Variants in RAPGEF4 observed in about 807,000 individuals in gnomAD.
RAPGEF4 encodes the protein Rap guanine nucleotide exchange factor 4, also known as RAP guanine-nucleotide-exchange factor (GEF) 4.
RAPGEF4 carries 66 observed loss-of-function variants against 147.9 expected under a neutral mutation model. The observed-to-expected ratio is 0.45, with a 90% CI of 0.37 to 0.55. RAPGEF4 has a LOEUF of 0.55. Ranked by LOEUF, RAPGEF4 falls within the 20% of genes least tolerant of loss-of-function variation. The pLI is 0.00. For synonymous variants in RAPGEF4, 419 were observed against 442.7 expected, an observed-to-expected ratio of 0.95 and a Z score of 0.67; for missense variants, 1,071 against 1,257.3, an observed-to-expected ratio of 0.85 and a Z score of 2.24.
chr2:172,818,693 A>G (rs577647339), intron 4 of RAPGEF4, among the ~76,000 whole-genome samples: 2 of 152,200 alleles, frequency 1.3e-5, no homozygotes, highest in Non-Finnish European at 2.9e-5. Flanking sequence ...AGGGAAAATT[A>G]TGGTCCCTAA....
At chr2:172,854,751 T>A (rs1377139077) in intron 4 of RAPGEF4, among the ~76,000 whole-genome samples, 1 of 152,128 alleles carries the variant, frequency 6.6e-6, no homozygotes, top group Non-Finnish European at 1.5e-5. Flanking sequence ...GATTGAGTTA[T>A]AAGTACAAGA....
chr2:172,873,943 A>C (rs187730327), intron 4 of RAPGEF4, among the ~76,000 whole-genome samples: 4 of 152,226 alleles, frequency 2.6e-5, no homozygotes, highest in African/African-American at 7.2e-5. Context: ...AAACATATGA[A>C]AAAAAGCTCA....
chr2:172,814,446 G>A (rs779458575), intron 4 of RAPGEF4, 21 bp downstream of exon 4: 1 of 1,613,432 alleles, frequency 6.2e-7, no homozygotes, highest in Non-Finnish European at 8.5e-7. Context: ...AGGCTTCTTT[G>A]TCAATTAATG....
At chr2:172,851,141 A>G (rs1277772880) in intron 4 of RAPGEF4, among the ~76,000 whole-genome samples, 1 of 152,172 alleles carries the variant, frequency 6.6e-6, no homozygotes, top group Non-Finnish European at 1.5e-5. Context: ...GGTATGTTGT[A>G]TCTTTGTTCT....
At chr2:172,786,255 C>T (rs539364887) in intron 1 of RAPGEF4, among the ~76,000 whole-genome samples, 122 of 152,166 alleles carry the variant, frequency 8.0e-4, no homozygotes, top group African/African-American at 2.6e-3. Flanking sequence ...ATTCAACTAC[C>T]GTGTGTAGTA....
intron 3 of RAPGEF4, among the ~76,000 whole-genome samples, chr2:172,800,812 A>G (rs1410071569): frequency 2.0e-5 from 3 of 152,210 alleles, no homozygotes; most frequent in Non-Finnish European, 4.4e-5. Context: ...AAGGTTAATC[A>G]TATCTAAAAA....
rs1365675776 is a variant in RAPGEF4 at position 173,005,458 on chromosome 2, T to C, written c.1658+4114T>C. Among the ~76,000 whole-genome samples the C allele has an allele frequency of 8.0e-5, 12 of 150,710 alleles. 1 individual carries two copies. The highest frequency in any genetic ancestry group is 7.9e-4 in the Admixed American group (12 of 15,150). ...TTTACTTTATCTTTCCAACACCAGT[T>C]CTCCAAATGTAAAGCAAAAAAGTCT... On this transcript the variant is annotated intron_variant, in intron 17 of 30. Coordinates refer to ENST00000397081, the MANE Select transcript of RAPGEF4 (RefSeq NM_007023.4).
rs57936292 is a variant in RAPGEF4, at chr2:172,767,836, T to G, written c.66-27189T>G. ...TTCCAGAGTCTATAGTGATTCATGG[T>G]TTTTTTGTTTGTTTCTGTTTTTTTG... On this transcript the variant is annotated intron_variant, in intron 1 of 30. Transcript: ENST00000397081. Among the ~76,000 whole-genome samples, 1,064 of 151,874 alleles carry G rather than the reference T, an allele frequency of 7.0e-3. 15 individuals are homozygous for G. Among genetic ancestry groups the G allele is most frequent in the African/African-American group, 0.024 (995 of 41,260 alleles).
At chr2:172,810,749 A>C (rs80289876) in intron 3 of RAPGEF4, among the ~76,000 whole-genome samples, 2,187 of 152,244 alleles carry the variant, frequency 0.014, 52 homozygotes, top group African/African-American at 0.051. Flanking sequence ...TGTCTGATGC[A>C]AGTGGTAAGT....
intron 27 of RAPGEF4, among the ~76,000 whole-genome samples, chr2:173,034,295 T>C (rs1683621718): frequency 6.6e-6 from 1 of 152,244 alleles, no homozygotes; most frequent in African/African-American, 2.4e-5. Context: ...CCCCGTTGGC[T>C]GGAGGTGTTA....
intron 1 of RAPGEF4, among the ~76,000 whole-genome samples, chr2:172,764,836 G>C (rs545244702): frequency 6.6e-6 from 1 of 152,268 alleles, no homozygotes; most frequent in East Asian, 1.9e-4. Flanking sequence ...TGGGCAATTT[G>C]GTCAGCCTTA....
chr2:172,970,325 T>C (rs1041346269), intron 10 of RAPGEF4, among the ~76,000 whole-genome samples: 1 of 152,078 alleles, frequency 6.6e-6, no homozygotes, highest in Non-Finnish European at 1.5e-5. Context: ...TCCTGGAAAC[T>C]GAGGGCATGT....
intron 1 of RAPGEF4, 112 bp downstream of exon 1, chr2:172,736,160 G>A: frequency 1.2e-6 from 1 of 829,818 alleles, no homozygotes; most frequent in Non-Finnish European, 1.6e-6. Context: ...GGGTGGCCGG[G>A]GTCCCCGAGC....
At position 173,030,153 on chromosome 2, in the gene RAPGEF4, C is replaced by A; in HGVS notation, c.2559-11C>A. On this transcript the variant is annotated splice_polypyrimidine_tract_variant and intron_variant, in intron 25 of 30. Transcript: ENST00000397081. ...AACATTTTACTCAAACACGCATCTCCTGTGTTTCAGCTGTAAGGAGTATAA... is the reference window on the plus strand; with the variant it reads ...AACATTTTACTCAAACACGCATCTCATGTGTTTCAGCTGTAAGGAGTATAA... The A allele has an allele frequency of 6.3e-7, 1 of 1,580,596 alleles. No individual in the cohort carries two copies. Among genetic ancestry groups the A allele is most frequent in the Non-Finnish European group, 8.7e-7 (1 of 1,149,774 alleles).
At chr2:172,785,783 A>G (rs1685135967) in intron 1 of RAPGEF4, among the ~76,000 whole-genome samples, 1 of 152,080 alleles carries the variant, frequency 6.6e-6, no homozygotes, top group Non-Finnish European at 1.5e-5. Flanking sequence ...CTGGGCAGAG[A>G]GCAGTTCTGC....
At chr2:172,768,566 G>A (rs556428241) in intron 1 of RAPGEF4, among the ~76,000 whole-genome samples, 1 of 152,002 alleles carries the variant, frequency 6.6e-6, no homozygotes, top group African/African-American at 2.4e-5. Context: ...ACACTTCCTG[G>A]CGTGAGTACT....
chr2:172,756,585 C>T (rs1173920729), intron 1 of RAPGEF4, among the ~76,000 whole-genome samples: 1 of 152,178 alleles, frequency 6.6e-6, no homozygotes, highest in African/African-American at 2.4e-5. Context: ...CTTCCTCAGC[C>T]CTGTCTTGTA....
intron 4 of RAPGEF4, among the ~76,000 whole-genome samples, chr2:172,850,824 T>C (rs1417354126): frequency 6.6e-6 from 1 of 152,182 alleles, no homozygotes; most frequent in Non-Finnish European, 1.5e-5. Context: ...TATTTGGATC[T>C]TCTCTCTTTT....
intron 1 of RAPGEF4, among the ~76,000 whole-genome samples, chr2:172,767,881 T>G (rs576042132): frequency 6.6e-6 from 1 of 152,298 alleles, no homozygotes; most frequent in East Asian, 1.9e-4. Flanking sequence ...CTCCCCATGT[T>G]GCCCAGGCTG....
Sources: allele counts gnomAD v4.1 joint callset (sites outside exome capture counted in the v4.1 genomes callset), GRCh38; gene constraint gnomAD v4.1.1; transcripts MANE v1.5; gene names NCBI Gene and HGNC (gene_info 2026-07-23, HGNC 2026-07-21).